The following RELN variants were observed in gnomAD, a reference collection of about 807,000 sequenced individuals.
The protein encoded by RELN is reelin.
In RELN, 108 loss-of-function variants were observed where a neutral mutation model predicts 427.6. The observed-to-expected ratio is 0.25, with a 90% CI of 0.22 to 0.30. The LOEUF is 0.30. Ranked by LOEUF, RELN falls within the 10% of genes least tolerant of loss-of-function variation. The pLI, the probability that RELN is intolerant of heterozygous loss-of-function variation, is 1.00. For synonymous variants in RELN, 1,524 were observed against 1,513.4 expected, an observed-to-expected ratio of 1.01 and a Z score of -0.16; for missense variants, 3,715 against 4,302.8, an observed-to-expected ratio of 0.86 and a Z score of 3.82.
chr7:103,833,439 T>G (rs557575703), intron 3 of RELN, 98 bp downstream of exon 3: 255 of 1,198,112 alleles, frequency 2.1e-4, no homozygotes, highest in Non-Finnish European at 3.0e-4. Flanking sequence ...GTTAAACCTG[T>G]CAAAATAAAA....
rs1192498073 is a variant in RELN, at chr7:103,744,636, C to A, written c.656+4790G>T. ...CTACCATCAGAGAATACTATAAACACCTCTATGCAAATAAACTAGAAAACC... is the reference window on the plus strand; with the variant it reads ...CTACCATCAGAGAATACTATAAACAACTCTATGCAAATAAACTAGAAAACC... On this transcript the variant is annotated intron_variant, in intron 6 of 64. Transcript: ENST00000428762. Among the ~76,000 whole-genome samples the A allele has an allele frequency of 2.6e-5, 4 of 152,166 alleles. No individual in the cohort carries two copies. The East Asian group carries it at 5.8e-4, about 22-fold the overall frequency.
intron 2 of RELN, among the ~76,000 whole-genome samples, chr7:103,851,906 G>A (rs578195681): frequency 6.6e-6 from 1 of 152,268 alleles, no homozygotes; most frequent in African/African-American, 2.4e-5. Context: ...TGAGCCCTCT[G>A]TGTTCTTTAT....
intron 2 of RELN, among the ~76,000 whole-genome samples, chr7:103,836,561 C>A (rs1218866382): frequency 6.6e-6 from 1 of 152,184 alleles, no homozygotes; most frequent in Non-Finnish European, 1.5e-5. Flanking sequence ...TTCAGCACTT[C>A]TTGCCCCCAT....
intron 3 of RELN, among the ~76,000 whole-genome samples, chr7:103,833,278 A>T (rs1442274174): frequency 6.6e-6 from 1 of 152,040 alleles, no homozygotes; most frequent in Non-Finnish European, 1.5e-5. Context: ...CCACCAATTC[A>T]CTTACTTTTA....
Position 103,626,947 on chromosome 7 carries a change from A to C in RELN, c.2702+2993T>G, listed in dbSNP as rs146614774. 5.3e-4 allele frequency among the ~76,000 whole-genome samples: 80 copies of C among 152,192 alleles called. No homozygotes were observed. The highest frequency in any genetic ancestry group is 1.9e-3 in the African/African-American group (78 of 41,572). On this transcript the variant is annotated intron_variant, in intron 20 of 64. Coordinates refer to ENST00000428762, the MANE Select transcript of RELN (RefSeq NM_005045.4). This position sits in a 1 kb window ranked among gnomAD's most constrained non-coding sequence, Gnocchi z 4.4. The stretch of plus-strand genomic sequence containing the variant: ...CAAAGCAATTCATTTCTCCACTGGA[A>C]AAAAGTGCTCTAGGATGACATACTG...
intron 4 of RELN, among the ~76,000 whole-genome samples, chr7:103,758,138 A>G (rs1791209296): frequency 6.6e-6 from 1 of 152,192 alleles, no homozygotes; most frequent in African/African-American, 2.4e-5. Context: ...CTCATTCAGA[A>G]TAACCATACA....
At chr7:103,842,446 T>G (rs1414960353) in intron 2 of RELN, among the ~76,000 whole-genome samples, 1 of 152,204 alleles carries the variant, frequency 6.6e-6, no homozygotes, top group African/African-American at 2.4e-5. Flanking sequence ...CCTAGGTCAA[T>G]GTACTCAGAC....
chr7:103,635,592 C>A lies in RELN; in HGVS notation c.2304-6G>T, dbSNP rs377074345. On this transcript the variant is annotated splice_region_variant and splice_polypyrimidine_tract_variant and intron_variant, in intron 18 of 64. Coordinates refer to ENST00000428762, the MANE Select transcript of RELN (RefSeq NM_005045.4). ...TCAGTGTGAACTGGAGAAACCTAGA[C>A]AGAAATTGTCTATAATTAGTGTATG... 8 of 1,612,256 alleles carry A rather than the reference C, an allele frequency of 5.0e-6. No homozygotes were observed. Among genetic ancestry groups the A allele is most frequent in the African/African-American group, 1.3e-5 (1 of 74,894 alleles).
chr7:103,703,771 A>C (rs1327706596), intron 8 of RELN, among the ~76,000 whole-genome samples: 1 of 152,164 alleles, frequency 6.6e-6, no homozygotes, highest in Non-Finnish European at 1.5e-5. Context: ...GGATTTAAGC[A>C]GTTGTTGAAG....
intron 1 of RELN, among the ~76,000 whole-genome samples, chr7:103,944,189 TAAAGA>T (rs1005040272): frequency 1.3e-5 from 2 of 152,082 alleles, no homozygotes; most frequent in East Asian, 1.9e-4. Flanking sequence ...TTCTTATTAA[TAAAGA>T]AATTAATTAA....
intron 3 of RELN, among the ~76,000 whole-genome samples, chr7:103,811,753 G>A (rs1388490451): frequency 6.6e-6 from 1 of 152,198 alleles, no homozygotes; most frequent in Non-Finnish European, 1.5e-5. Flanking sequence ...AATTCATTGA[G>A]CAGAATTAAT....
At chr7:103,876,236 G>A (rs771778090) in intron 2 of RELN, among the ~76,000 whole-genome samples, 4 of 152,134 alleles carry the variant, frequency 2.6e-5, no homozygotes, top group Admixed American at 1.3e-4. Flanking sequence ...ACGTTAGAAT[G>A]TATCTTTTTT....
At chr7:103,654,831 A>T (rs1832992544) in intron 12 of RELN, among the ~76,000 whole-genome samples, 2 of 152,054 alleles carry the variant, frequency 1.3e-5, no homozygotes, top group Non-Finnish European at 2.9e-5. Context: ...GCTGAAGAGC[A>T]ATTAAGATCA....
chr7:103,651,532 A>G, intron 15 of RELN, 129 bp downstream of exon 15: 1 of 839,862 alleles, frequency 1.2e-6, no homozygotes, highest in Non-Finnish European at 2.0e-6. Context: ...TCTTTTTTAC[A>G]AGACCACTTT....
chr7:103,783,233 A>G (rs1791938758), intron 3 of RELN, among the ~76,000 whole-genome samples: 2 of 150,870 alleles, frequency 1.3e-5, no homozygotes, highest in Non-Finnish European at 1.5e-5. Context: ...GGGCTCAAAC[A>G]ATCCTCCCAC....
At chr7:103,950,120 G>A (rs1314535362) in intron 1 of RELN, among the ~76,000 whole-genome samples, 2 of 152,134 alleles carry the variant, frequency 1.3e-5, no homozygotes, top group African/African-American at 2.4e-5. Context: ...TTCTCACTGT[G>A]TCCTAACATG....
intron 1 of RELN, among the ~76,000 whole-genome samples, chr7:103,951,885 C>G (rs1232050281): frequency 6.6e-6 from 1 of 152,200 alleles, no homozygotes; most frequent in Admixed American, 6.5e-5. Flanking sequence ...GTTGGTCAGG[C>G]TGGTCTCAAA....
At position 103,471,958 on chromosome 7, in the gene RELN, A is replaced by G. The variant is rs1052360573; in HGVS notation, c.*854T>C. On this transcript the variant is annotated 3_prime_UTR_variant, in exon 65 of 65. Coordinates refer to ENST00000428762, the MANE Select transcript of RELN (RefSeq NM_005045.4). ...ATGAATATGACCCGCAGAAAAAACA[A>G]TCCACGAAGAAAACACAATGAAAAA... 1 of 152,612 alleles carries G rather than the reference A, an allele frequency of 6.6e-6. No homozygotes were observed. Among genetic ancestry groups the G allele is most frequent in the Non-Finnish European group, 1.5e-5 (1 of 68,026 alleles). 9.5% of individuals were successfully genotyped at this position (152,612 alleles called of 1,614,324 possible).
At chr7:103,900,809 A>AC (rs1169868031) in intron 2 of RELN, among the ~76,000 whole-genome samples, 2 of 152,042 alleles carry the variant, frequency 1.3e-5, no homozygotes, top group Non-Finnish European at 2.9e-5. Context: ...CTGAAGCTGC[A>AC]CCCCTTCCTC....
Sources: allele counts gnomAD v4.1 joint callset (sites outside exome capture counted in the v4.1 genomes callset), GRCh38; gene constraint gnomAD v4.1.1; non-coding constraint Gnocchi (gnomAD v3.1); transcripts MANE v1.5; gene names NCBI Gene and HGNC (gene_info 2026-07-23, HGNC 2026-07-21).